The following TNFRSF19 variants were observed in gnomAD, a reference collection of about 807,000 sequenced individuals.
The protein encoded by TNFRSF19 is TNF receptor superfamily member 19.
TNFRSF19 carries 27 observed loss-of-function variants against 46.4 expected under a neutral mutation model. That is an observed-to-expected ratio of 0.58 (90% CI 0.43 to 0.80). The LOEUF (loss-of-function observed/expected upper bound fraction) is 0.80. TNFRSF19 is among the 30% of genes least tolerant of loss of function. TNFRSF19 has a pLI of 0.00. For missense variants in TNFRSF19, 511 were observed against 530.8 expected, an observed-to-expected ratio of 0.96 and a Z score of 0.37; for synonymous variants, 204 against 205.0, an observed-to-expected ratio of 1.00 and a Z score of 0.04.
In TNFRSF19 at chr13:23,669,420, G is replaced by T. The variant is rs1041549598; in HGVS notation, c.1245+323G>T. ...TGGGAGCATCTTGCAGACAATTCCT[G>T]ACCTTCATTTCTTCCTGTTATATAT... On this transcript the variant is annotated intron_variant, in intron 9 of 9. Transcript: ENST00000248484. The T allele has an allele frequency of 1.4e-5, 15 of 1,088,164 alleles. No individual in the cohort carries two copies. In the African/African-American group the frequency reaches 2.2e-4, roughly 16 times the overall value. 67.4% of individuals were successfully genotyped at this position (1,088,164 alleles called of 1,614,324 possible).
chr13:23,582,325 C>T (rs1228024705), intron 1 of TNFRSF19, among the ~76,000 whole-genome samples: 1 of 151,622 alleles, frequency 6.6e-6, no homozygotes, highest in Non-Finnish European at 1.5e-5. Context: ...GGCGTGAACC[C>T]GGGAGGCGGA....
chr13:23,592,216 A>C (rs770751402), intron 2 of TNFRSF19, among the ~76,000 whole-genome samples: 1 of 152,190 alleles, frequency 6.6e-6, no homozygotes, highest in Non-Finnish European at 1.5e-5. Context: ...GGTAAGCATT[A>C]GACAGAACAG....
intron 3 of TNFRSF19, among the ~76,000 whole-genome samples, chr13:23,612,486 C>T (rs1436590697): frequency 1.3e-5 from 2 of 152,110 alleles, no homozygotes; most frequent in African/African-American, 4.8e-5. Context: ...GTCATGGACA[C>T]CATACTGTAA....
Position 23,575,758 on chromosome 13 carries a change from G to A in TNFRSF19, c.-35+4910G>A, listed in dbSNP as rs182686663. 2.4e-3 allele frequency among the ~76,000 whole-genome samples: 369 copies of A among 152,192 alleles called. 5 individuals are homozygous for A. Among genetic ancestry groups the A allele is most frequent in the Admixed American group, 0.02 (306 of 15,288 alleles). On this transcript the variant is annotated intron_variant, in intron 1 of 9. Transcript: ENST00000248484. ...CATTCTATTCCACTTTTTTCCCAAG[G>A]AATAGTGATTTACACTAGAAATGAC... is the stretch of plus-strand genomic sequence containing the variant.
chr13:23,625,922 T>TA (rs1028525898), intron 4 of TNFRSF19, among the ~76,000 whole-genome samples: 5 of 152,312 alleles, frequency 3.3e-5, no homozygotes, highest in Non-Finnish European at 5.9e-5. Context: ...TTAAATTTTT[T>TA]AAAAAAATTT....
At chr13:23,575,248 C>T (rs1877879225) in intron 1 of TNFRSF19, among the ~76,000 whole-genome samples, 1 of 152,236 alleles carries the variant, frequency 6.6e-6, no homozygotes, top group Non-Finnish European at 1.5e-5. Flanking sequence ...CAGGGCCAAA[C>T]TCACAAAGAT....
At chr13:23,581,132 C>CTTTTTTTTTTTTTTTTTTTTT (rs746641461) in intron 1 of TNFRSF19, among the ~76,000 whole-genome samples, 3 of 143,666 alleles carry the variant, frequency 2.1e-5, no homozygotes, top group African/African-American at 7.7e-5. Context: ...TTTTTCTTTT[C>CTTTTTTTTTTTTTTTTTTTTT]TTTTTTTTTT....
intron 3 of TNFRSF19, 48 bp downstream of exon 3, chr13:23,593,503 AT>A: frequency 7.9e-7 from 1 of 1,260,114 alleles, no homozygotes; most frequent in Non-Finnish European, 1.1e-6. Flanking sequence ...TGTAAAATGC[AT>A]TCGTCTTAAC....
At chr13:23,591,779 G>A (rs1879327480) in intron 2 of TNFRSF19, among the ~76,000 whole-genome samples, 1 of 148,516 alleles carries the variant, frequency 6.7e-6, no homozygotes, top group South Asian at 2.1e-4. Flanking sequence ...AGGCTGGAGT[G>A]CAGTGGTGCG....
intron 4 of TNFRSF19, among the ~76,000 whole-genome samples, chr13:23,621,966 A>C (rs1881690204): frequency 1.3e-5 from 2 of 151,888 alleles, no homozygotes; most frequent in Admixed American, 1.3e-4. Context: ...ACAAAAAAGA[A>C]TGAAGAAGCA....
chr13:23,624,941 G>A (rs561802139), intron 4 of TNFRSF19, among the ~76,000 whole-genome samples: 13 of 151,918 alleles, frequency 8.6e-5, no homozygotes, highest in African/African-American at 2.7e-4. Flanking sequence ...TCATAGAGAC[G>A]GGGTTTCACC....
At chr13:23,663,313 G>A (rs570237586) in intron 7 of TNFRSF19, among the ~76,000 whole-genome samples, 6 of 152,158 alleles carry the variant, frequency 3.9e-5, no homozygotes, top group South Asian at 2.1e-4. Context: ...GTGATGAATC[G>A]CCTTTATTGA....
chr13:23,613,078 C>G (rs892612520), intron 3 of TNFRSF19, among the ~76,000 whole-genome samples: 3 of 152,128 alleles, frequency 2.0e-5, no homozygotes, highest in African/African-American at 7.2e-5. Context: ...GATTCTTAGT[C>G]AATAAAAATG....
At chr13:23,576,304 T>C (rs1877953820) in intron 1 of TNFRSF19, among the ~76,000 whole-genome samples, 1 of 152,090 alleles carries the variant, frequency 6.6e-6, no homozygotes, top group South Asian at 2.1e-4. Context: ...TGGCTAATTT[T>C]TGTATTTTTA....
chr13:23,604,362 T>G (rs192408391), intron 3 of TNFRSF19, among the ~76,000 whole-genome samples: 12 of 151,716 alleles, frequency 7.9e-5, no homozygotes, highest in Admixed American at 7.2e-4. Flanking sequence ...AAAGAAGAAC[T>G]AAATAAATGG....
intron 3 of TNFRSF19, among the ~76,000 whole-genome samples, chr13:23,609,206 A>C (rs1880726053): frequency 6.6e-6 from 1 of 152,168 alleles, no homozygotes; most frequent in Non-Finnish European, 1.5e-5. Context: ...CCACTACAGG[A>C]TTTCGATTTT....
chr13:23,579,811 T>C (rs1878267213), intron 1 of TNFRSF19, among the ~76,000 whole-genome samples: 3 of 151,924 alleles, frequency 2.0e-5, no homozygotes, highest in Admixed American at 1.3e-4. Flanking sequence ...CCTGGACTCC[T>C]ATCCGGGATA....
intron 5 of TNFRSF19, among the ~76,000 whole-genome samples, chr13:23,654,879 T>C (rs1883880125): frequency 6.6e-6 from 1 of 152,202 alleles, no homozygotes; most frequent in Non-Finnish European, 1.5e-5. Context: ...GAAGGTGTGT[T>C]AGAAGCTGTG....
intron 4 of TNFRSF19, among the ~76,000 whole-genome samples, chr13:23,624,937 A>T (rs1416062477): frequency 6.6e-6 from 1 of 151,926 alleles, no homozygotes; most frequent in African/African-American, 2.4e-5. Flanking sequence ...TTTTTCATAG[A>T]GACGGGGTTT....
Sources: allele counts gnomAD v4.1 joint callset (sites outside exome capture counted in the v4.1 genomes callset), GRCh38; gene constraint gnomAD v4.1.1; transcripts MANE v1.5; gene names NCBI Gene and HGNC (gene_info 2026-07-23, HGNC 2026-07-21).